Variants in SUZ12 observed in about 807,000 individuals in gnomAD.
SUZ12 encodes the protein SUZ12 polycomb repressive complex 2 subunit, also known as polycomb protein SUZ12.
SUZ12 carries 17 observed loss-of-function variants against 87.3 expected under a neutral mutation model. The observed-to-expected ratio is 0.19, with a 90% CI of 0.13 to 0.29. The LOEUF is 0.29. SUZ12 is among the 10% of genes least tolerant of loss of function. The pLI is 1.00. For missense variants in SUZ12, 526 were observed against 912.2 expected (o/e 0.58, Z 5.45); for synonymous variants, 253 against 312.4 (o/e 0.81, Z 2.01).
chr17:31,974,702 C>CT (rs1170770998), intron 6 of SUZ12, among the ~76,000 whole-genome samples: 1 of 152,004 alleles, frequency 6.6e-6, no homozygotes, highest in Non-Finnish European at 1.5e-5. Context: ...AGCGTAAGAC[C>CT]TGGGGGGGTG....
chr17:31,979,037 C>T (rs1488365899), intron 8 of SUZ12, among the ~76,000 whole-genome samples: 4 of 132,126 alleles, frequency 3.0e-5, no homozygotes, highest in Non-Finnish European at 3.1e-5. Context: ...ACCCAGGAGG[C>T]GGAGGTTACA....
rs73988502 is a variant in SUZ12, at chr17:31,976,803, G to A, written c.917+189G>A. ...GAAAACAATAATTAAGGAACTATTCGGATAGATAGCTCAGTTAAACTTACT... is the reference window on the plus strand; with the variant it reads ...GAAAACAATAATTAAGGAACTATTCAGATAGATAGCTCAGTTAAACTTACT... On this transcript the variant is annotated intron_variant, in intron 8 of 15. Coordinates refer to ENST00000322652, the MANE Select transcript of SUZ12 (RefSeq NM_015355.4). Among the ~76,000 whole-genome samples the A allele has an allele frequency of 5.2e-3, 798 of 152,102 alleles. 6 individuals are homozygous for A. The highest frequency in any genetic ancestry group is 0.018 in the African/African-American group (735 of 41,488).
At chr17:31,976,392 T>C (rs1908755138) in intron 7 of SUZ12, 129 bp from the exon 8 acceptor site, 1 of 731,782 alleles carries the variant, frequency 1.4e-6, no homozygotes, top group Non-Finnish European at 2.2e-6. Flanking sequence ...GGTCTGTATA[T>C]TATTGCAACT....
In SUZ12 at chr17:31,999,979, A is replaced by G. The variant is rs1910176746; in HGVS notation, c.*976A>G. 4.3e-6 allele frequency: 1 copy of G among 232,706 alleles called. No individual in the cohort carries two copies. The highest frequency in any genetic ancestry group is 8.5e-6 in the Non-Finnish European group (1 of 117,826). The allele number at this position is 232,706 out of a possible 1,614,324, so 14.4% of individuals were successfully genotyped here. ...GATGTCTTTGTAATGTGTTTCATGAATAGAATATCCAATAGAGATAAGCTG... is the reference window on the plus strand; with the variant it reads ...GATGTCTTTGTAATGTGTTTCATGAGTAGAATATCCAATAGAGATAAGCTG... On this transcript the variant is annotated 3_prime_UTR_variant, in exon 16 of 16. Transcript: ENST00000322652.
At chr17:31,982,029 G>C (rs1384820847) in intron 8 of SUZ12, among the ~76,000 whole-genome samples, 1 of 152,156 alleles carries the variant, frequency 6.6e-6, no homozygotes, top group Non-Finnish European at 1.5e-5. Context: ...GTTGAAGAAT[G>C]GTGTTTAGAG....
chr17:31,983,547 T>G (rs1376226377), intron 9 of SUZ12, among the ~76,000 whole-genome samples: 1 of 152,138 alleles, frequency 6.6e-6, no homozygotes, highest in Non-Finnish European at 1.5e-5. Context: ...CCCAAAGCGC[T>G]GGGATTACAG....
chr17:31,980,418 A>C, intron 8 of SUZ12, among the ~76,000 whole-genome samples: 1 of 133,080 alleles, frequency 7.5e-6, no homozygotes, highest in Non-Finnish European at 1.6e-5. Flanking sequence ...ATATACCAGA[A>C]TCACCTTCTC....
At chr17:31,976,053 T>C (rs552399894) in intron 7 of SUZ12, among the ~76,000 whole-genome samples, 1 of 152,362 alleles carries the variant, frequency 6.6e-6, no homozygotes, top group East Asian at 1.9e-4. Flanking sequence ...GGGGATGATT[T>C]AATTTAATCG....
intron 4 of SUZ12, among the ~76,000 whole-genome samples, chr17:31,961,223 A>G (rs1445406632): frequency 6.6e-6 from 1 of 151,632 alleles, no homozygotes; most frequent in Non-Finnish European, 1.5e-5. Context: ...AAAAAAAAAA[A>G]AAATTCTTTC....
intron 3 of SUZ12, among the ~76,000 whole-genome samples, chr17:31,941,997 C>T (rs1286242304): frequency 6.6e-6 from 1 of 152,134 alleles, no homozygotes; most frequent in East Asian, 1.9e-4. Flanking sequence ...GAATTACAGG[C>T]TCCCGCCACC....
intron 8 of SUZ12, among the ~76,000 whole-genome samples, 188 bp from the exon 9 acceptor site, chr17:31,982,811 T>G (rs1381444462): frequency 6.6e-6 from 1 of 152,214 alleles, no homozygotes; most frequent in Non-Finnish European, 1.5e-5. Context: ...GTAATACAGT[T>G]TTTAGTGTAC....
At chr17:31,982,093 CAT>C (rs1361605433) in intron 8 of SUZ12, among the ~76,000 whole-genome samples, 2 of 152,160 alleles carry the variant, frequency 1.3e-5, no homozygotes, top group African/African-American at 4.8e-5. Context: ...TACATAGACA[CAT>C]ATGTACACAC....
At chr17:31,956,143 GA>G (rs968327426) in intron 4 of SUZ12, among the ~76,000 whole-genome samples, 2 of 151,294 alleles carry the variant, frequency 1.3e-5, no homozygotes, top group African/African-American at 4.9e-5. Flanking sequence ...TCAATCTCCT[GA>G]CCCCGTGATC....
At chr17:31,991,733 T>C (rs985760595) in intron 10 of SUZ12, among the ~76,000 whole-genome samples, 4 of 151,786 alleles carry the variant, frequency 2.6e-5, no homozygotes, top group Non-Finnish European at 4.4e-5. Context: ...GCTTCCCAAG[T>C]AGCTGGGACT....
intron 15 of SUZ12, among the ~76,000 whole-genome samples, chr17:31,997,666 CA>C (rs892389046): frequency 0.072 from 5,049 of 70,382 alleles, 229 homozygotes; most frequent in African/African-American, 0.21. Flanking sequence ...ACCCTATCTC[CA>C]AAAAAAAAAA....
chr17:31,982,008 T>C (rs1282417262), intron 8 of SUZ12, among the ~76,000 whole-genome samples: 1 of 152,346 alleles, frequency 6.6e-6, no homozygotes, highest in East Asian at 1.9e-4. Context: ...TACAGTTAAT[T>C]ACTGAGCATG....
chr17:31,938,584 C>A (rs1448383707), intron 1 of SUZ12, among the ~76,000 whole-genome samples: 1 of 152,098 alleles, frequency 6.6e-6, no homozygotes, highest in Non-Finnish European at 1.5e-5. Flanking sequence ...AATATTGAAC[C>A]TGCTTCAGAG....
At position 31,940,484 on chromosome 17, in the gene SUZ12, A is replaced by G; in HGVS notation, c.384A>G (p.Lys128=). ...MSHRNSRTNI[K]RKTFKVDDML... is the part of the protein sequence containing the mutation. ...ATCGAAACTCCAGAACAAACATCAA[A>G]AGGTACATTTTATGAATCTTATTTC... Residue 128 remains lysine, a splice_region_variant and synonymous_variant, in exon 3 of 16, where the codon AAA becomes AAG. Coordinates refer to ENST00000322652, the MANE Select transcript of SUZ12 (RefSeq NM_015355.4). 1 of 1,561,888 alleles carries G rather than the reference A, an allele frequency of 6.4e-7. No homozygotes were observed. The highest frequency in any genetic ancestry group is 8.7e-7 in the Non-Finnish European group (1 of 1,153,304).
rs1028322631 is a variant in SUZ12, at chr17:31,947,751, A to G, written c.455+66A>G. The G allele has an allele frequency of 7.6e-5, 112 of 1,476,532 alleles. No homozygotes were observed. In the African/African-American group the frequency reaches 1.0e-3, roughly 13 times the overall value. The allele number at this position is 1,476,532 out of a possible 1,614,324, so 91.5% of individuals were successfully genotyped here. ...GGAAAGAGGAAAAATTACAGTGATC[A>G]TTTTCCTAGTGATCACCTTGATATA... On this transcript the variant is annotated intron_variant, in intron 4 of 15. Coordinates refer to ENST00000322652, the MANE Select transcript of SUZ12 (RefSeq NM_015355.4).
Sources: allele counts gnomAD v4.1 joint callset (sites outside exome capture counted in the v4.1 genomes callset), GRCh38; gene constraint gnomAD v4.1.1; transcripts MANE v1.5; gene names NCBI Gene and HGNC (gene_info 2026-07-23, HGNC 2026-07-21).